The following ADGRB3 variants were observed in gnomAD, a reference collection of about 807,000 sequenced individuals.
ADGRB3 encodes brain-specific angiogenesis inhibitor 3.
ADGRB3 carries 37 observed loss-of-function variants against 193.4 expected under a neutral mutation model. That is an observed-to-expected ratio of 0.19 (90% CI 0.15 to 0.25). The LOEUF (loss-of-function observed/expected upper bound fraction) is 0.25. ADGRB3 is among the 10% of genes least tolerant of loss of function. The probability of loss-of-function intolerance (pLI) is 1.00; values close to 1 mark genes in which losing one functional copy is unlikely to be tolerated. For synonymous variants in ADGRB3, 690 were observed against 644.2 expected (o/e 1.07, Z -1.08); for missense variants, 1,637 against 1,852.9 (o/e 0.88, Z 2.14).
intron 26 of ADGRB3, among the ~76,000 whole-genome samples, chr6:69,339,830 G>A (rs965596442): frequency 2.6e-5 from 4 of 152,042 alleles, no homozygotes; most frequent in African/African-American, 9.7e-5. Flanking sequence ...GAATAAGAGG[G>A]CATAGAGGCA....
chr6:69,307,591 T>G (rs1350514820), intron 20 of ADGRB3, among the ~76,000 whole-genome samples: 1 of 151,664 alleles, frequency 6.6e-6, no homozygotes, highest in Non-Finnish European at 1.5e-5. Flanking sequence ...TTGTCTTGAT[T>G]TACCTGTTTC....
chr6:69,245,982 G>A (rs186073960), intron 20 of ADGRB3, among the ~76,000 whole-genome samples: 2 of 152,114 alleles, frequency 1.3e-5, no homozygotes, highest in Admixed American at 1.3e-4. Context: ...TTAGTCTTAC[G>A]AAAAGTAGAG....
intron 17 of ADGRB3, among the ~76,000 whole-genome samples, chr6:69,224,703 A>G (rs527959790): frequency 6.6e-6 from 1 of 152,178 alleles, no homozygotes; most frequent in Non-Finnish European, 1.5e-5. Flanking sequence ...ACTAATGTAT[A>G]TAGCAGTACT....
At chr6:68,655,081 T>A (rs1768460341) in intron 3 of ADGRB3, among the ~76,000 whole-genome samples, 1 of 150,980 alleles carries the variant, frequency 6.6e-6, no homozygotes, top group Non-Finnish European at 1.5e-5. Context: ...TCATTGATTG[T>A]TTCTTGGCAG....
chr6:68,790,537 C>G lies in ADGRB3; in HGVS notation c.758-140022C>G, dbSNP rs566638866. Among the ~76,000 whole-genome samples the G allele has an allele frequency of 6.6e-5, 10 of 152,254 alleles. No homozygotes were observed. In the South Asian group the frequency reaches 2.1e-3, roughly 32 times the overall value. ...GAGTAGCCTAACTGGGAGGCACCCCCGAGTAGGGGCAGACTGACACCTCAC... is the reference window on the plus strand; with the variant it reads ...GAGTAGCCTAACTGGGAGGCACCCCGGAGTAGGGGCAGACTGACACCTCAC... On this transcript the variant is annotated intron_variant, in intron 3 of 31. Transcript: ENST00000370598.
At chr6:69,178,349 C>A (rs150591870) in intron 17 of ADGRB3, among the ~76,000 whole-genome samples, 1 of 152,190 alleles carries the variant, frequency 6.6e-6, no homozygotes, top group East Asian at 1.9e-4. Context: ...TGTGATGGGT[C>A]TCTTGAAGAC....
chr6:69,119,383 C>T (rs1444797071), intron 17 of ADGRB3, among the ~76,000 whole-genome samples: 8 of 152,066 alleles, frequency 5.3e-5, no homozygotes, highest in Non-Finnish European at 1.0e-4. Context: ...GATCCCCGTT[C>T]TCTTGGAGTA....
At chr6:69,088,072 C>G (rs1772599816) in intron 17 of ADGRB3, among the ~76,000 whole-genome samples, 1 of 152,124 alleles carries the variant, frequency 6.6e-6, no homozygotes. Context: ...AGGTCTCTCC[C>G]TTTTATGGAT....
chr6:68,962,659 A>C (rs371726324), intron 8 of ADGRB3, among the ~76,000 whole-genome samples: 1 of 152,062 alleles, frequency 6.6e-6, no homozygotes, highest in Non-Finnish European at 1.5e-5. Flanking sequence ...TTCATCCCTT[A>C]TTGTTTTTCT....
intron 17 of ADGRB3, among the ~76,000 whole-genome samples, chr6:69,201,192 TC>T (rs1465404016): frequency 6.6e-6 from 1 of 152,042 alleles, no homozygotes; most frequent in Non-Finnish European, 1.5e-5. Context: ...TTAAAATACT[TC>T]CCTTGTTACT....
intron 20 of ADGRB3, among the ~76,000 whole-genome samples, chr6:69,244,024 T>A (rs1457243144): frequency 6.6e-6 from 1 of 151,936 alleles, no homozygotes; most frequent in Non-Finnish European, 1.5e-5. Flanking sequence ...TTCTCATTGA[T>A]AGATAAAGGG....
intron 4 of ADGRB3, among the ~76,000 whole-genome samples, chr6:68,932,638 TACAGGTAAGTGTCAC>T (rs1767372174): frequency 6.6e-6 from 1 of 151,938 alleles, no homozygotes; most frequent in Admixed American, 6.6e-5. Flanking sequence ...TCTGAATAAA[TACAGGTAAGTGTCAC>T]ACAATAAAAT....
chr6:69,161,577 T>G (rs1192965518), intron 17 of ADGRB3, among the ~76,000 whole-genome samples: 1 of 152,134 alleles, frequency 6.6e-6, no homozygotes, highest in African/African-American at 2.4e-5. Flanking sequence ...TATCTATGGT[T>G]GCCTAGCTAA....
rs1250663374 is a variant in ADGRB3, at chr6:68,772,888, AAAAAAAATATATATAT to A, written c.757+133458_757+133473del. Among the ~76,000 whole-genome samples the A allele has an allele frequency of 3.1e-3, 163 of 51,922 alleles. 6 individuals carry two copies. Among genetic ancestry groups the A allele is most frequent in the African/African-American group, 0.014 (132 of 9,690 alleles). The allele number at this position is 51,922 out of a possible 152,430, so 34.1% of individuals were successfully genotyped here. On this transcript the variant is annotated intron_variant, in intron 3 of 31. Transcript: ENST00000370598. ...AAACAAACAAACAAACAAACAAAAAAAAAAAAATATATATATATATATATATATATATATATATATA... is the reference window on the plus strand; with the variant it reads ...AAACAAACAAACAAACAAACAAAAAAATATATATATATATATATATATATA...
At chr6:68,894,740 A>T (rs761716588) in intron 3 of ADGRB3, among the ~76,000 whole-genome samples, 1 of 152,004 alleles carries the variant, frequency 6.6e-6, no homozygotes, top group Non-Finnish European at 1.5e-5. Context: ...AATTTAAATG[A>T]GTCTAAGGAA....
At chr6:69,277,180 A>G (rs996297484) in intron 20 of ADGRB3, among the ~76,000 whole-genome samples, 1 of 151,962 alleles carries the variant, frequency 6.6e-6, no homozygotes, top group Non-Finnish European at 1.5e-5. Context: ...TTTTTAGTAC[A>G]GACGGAGTTT....
At chr6:68,978,948 A>G (rs960825134) in intron 10 of ADGRB3, among the ~76,000 whole-genome samples, 1 of 151,390 alleles carries the variant, frequency 6.6e-6, no homozygotes, top group Non-Finnish European at 1.5e-5. Flanking sequence ...TACTTTATAA[A>G]TATATAGCAA....
intron 3 of ADGRB3, among the ~76,000 whole-genome samples, chr6:68,922,702 A>G (rs16900354): frequency 0.024 from 3,625 of 152,272 alleles, 61 homozygotes; most frequent in East Asian, 0.052. Context: ...GGTGCAGGGA[A>G]TTTAAGGCGT....
At chr6:69,072,838 T>C (rs553448133) in intron 16 of ADGRB3, among the ~76,000 whole-genome samples, 33 of 152,328 alleles carry the variant, frequency 2.2e-4, no homozygotes, top group African/African-American at 7.2e-4. Context: ...TGACAGCATT[T>C]TGGCTATGCT....
Sources: allele counts gnomAD v4.1 joint callset (sites outside exome capture counted in the v4.1 genomes callset), GRCh38; gene constraint gnomAD v4.1.1; transcripts MANE v1.5; gene names NCBI Gene and HGNC (gene_info 2026-07-23, HGNC 2026-07-21).